Variants in LARGE1 observed in about 807,000 individuals in gnomAD.
The protein encoded by LARGE1 is xylosyl- and glucuronyltransferase LARGE1.
A neutral mutation model predicts 87.6 loss-of-function variants in LARGE1; 43 were observed. The ratio of observed to expected loss-of-function variants is 0.49; its 90% CI spans 0.38 to 0.63. The LOEUF (loss-of-function observed/expected upper bound fraction) is 0.63, where lower values mean the gene tolerates loss of function less well. Among genes scored for constraint, LARGE1 ranks in the 30% least tolerant of loss-of-function variants. The pLI, the probability that LARGE1 is intolerant of heterozygous loss-of-function variation, is 0.00. For missense variants in LARGE1, 802 were observed against 1,000.2 expected (o/e 0.80, Z 2.67); for synonymous variants, 434 against 394.6 (o/e 1.10, Z -1.18).
At chr22:33,129,817 A>G in the LARGE1 span, among the ~76,000 whole-genome samples, 1 of 152,176 alleles carries the variant, frequency 6.6e-6, no homozygotes, top group Non-Finnish European at 1.5e-5. Flanking sequence ...ACTCGCTATC[A>G]CGAGAACAGC....
intron 1 of LARGE1, among the ~76,000 whole-genome samples, chr22:33,877,646 G>GGT (rs2064508646): frequency 2.0e-5 from 3 of 152,110 alleles, no homozygotes; most frequent in Non-Finnish European, 4.4e-5. Flanking sequence ...ATACAGGCTG[G>GGT]GCACGGTGGC....
intron 10 of LARGE1, among the ~76,000 whole-genome samples, chr22:33,316,761 A>C (rs888794020): frequency 2.0e-5 from 3 of 152,144 alleles, no homozygotes; most frequent in Non-Finnish European, 4.4e-5. Context: ...CAAAGAAAAA[A>C]ACAAAAAAAA....
chr22:33,706,179 G>A (rs956630591), intron 2 of LARGE1, among the ~76,000 whole-genome samples: 1 of 152,186 alleles, frequency 6.6e-6, no homozygotes, highest in Non-Finnish European at 1.5e-5. Flanking sequence ...GATCAGTGCT[G>A]AGTTTATTTC....
intron 12 of LARGE1, among the ~76,000 whole-genome samples, chr22:33,298,624 A>G (rs1304266422): frequency 6.6e-6 from 1 of 151,876 alleles, no homozygotes; most frequent in Non-Finnish European, 1.5e-5. Flanking sequence ...GGAGTTTGAG[A>G]CTAGCCTGGA....
At chr22:33,100,349 C>CAAAAAAAAA in the LARGE1 span, among the ~76,000 whole-genome samples, 3 of 65,318 alleles carry the variant, frequency 4.6e-5, no homozygotes, top group African/African-American at 1.4e-4. Flanking sequence ...GACTCCATCT[C>CAAAAAAAAA]AAAAAAAAAA....
At chr22:33,086,100 T>G in the LARGE1 span, among the ~76,000 whole-genome samples, 2 of 152,120 alleles carry the variant, frequency 1.3e-5, no homozygotes, top group African/African-American at 4.8e-5. Flanking sequence ...TTCGGAAAAA[T>G]ATGCTTCAGA....
chr22:33,846,643 T>C (rs1001981532), intron 1 of LARGE1, among the ~76,000 whole-genome samples: 21 of 152,196 alleles, frequency 1.4e-4, no homozygotes, highest in Non-Finnish European at 2.8e-4. Context: ...TGAATTCTTT[T>C]TCTCAGCAAG....
intron 2 of LARGE1, among the ~76,000 whole-genome samples, chr22:33,669,900 G>A (rs2081361803): frequency 6.6e-6 from 1 of 152,192 alleles, no homozygotes; most frequent in Non-Finnish European, 1.5e-5. Flanking sequence ...AAATGCAAAA[G>A]GCTCACATTG....
chr22:33,495,814 G>A (rs373798044), intron 6 of LARGE1, among the ~76,000 whole-genome samples: 31 of 152,122 alleles, frequency 2.0e-4, no homozygotes, highest in African/African-American at 7.0e-4. Context: ...TCATGATCAC[G>A]GTAGACTCTA....
At position 33,215,843 on chromosome 22, in the gene LARGE1, C is replaced by A. The variant is rs538459954; in HGVS notation, c.1731-49011G>T. Among the ~76,000 whole-genome samples, 3 of 152,274 alleles carry A rather than the reference C, an allele frequency of 2.0e-5. No individual in the cohort carries two copies. The South Asian group carries it at 6.2e-4, about 32-fold the overall frequency. The stretch of plus-strand genomic sequence containing the variant: ...TGGTGGCGCATGCCTGTAATCCCAG[C>A]TACTCAGGAGGCTGAGGCAGGAGAA... On this transcript the variant is annotated intron_variant, in intron 11 of 11. Coordinates refer to the LARGE1 transcript ENST00000608642.
Position 33,418,101 on chromosome 22 carries a change from C to A in LARGE1, c.892+14060G>T, listed in dbSNP as rs2066565698. ...TAGCTGGGACTACAGGCATGTGCCA[C>A]CATGCCTGGCTAATTGTTTGTATTT... On this transcript the variant is annotated intron_variant, in intron 7 of 14. Transcript: ENST00000397394. Among the ~76,000 whole-genome samples the A allele has an allele frequency of 1.3e-5, 2 of 152,166 alleles. 1 individual carries two copies. The highest frequency in any genetic ancestry group is 4.8e-5 in the African/African-American group (2 of 41,448).
At chr22:33,792,483 G>C (rs1467343055) in intron 1 of LARGE1, among the ~76,000 whole-genome samples, 2 of 152,064 alleles carry the variant, frequency 1.3e-5, no homozygotes. Context: ...TTTATAAACT[G>C]CACAGTCTGG....
intron 1 of LARGE1, among the ~76,000 whole-genome samples, chr22:33,803,894 A>C (rs1471425684): frequency 6.6e-6 from 1 of 152,242 alleles, no homozygotes; most frequent in African/African-American, 2.4e-5. Context: ...CAGTTTAAGC[A>C]CAGTGACCCA....
At chr22:33,601,841 A>G (rs1401878752) in intron 5 of LARGE1, among the ~76,000 whole-genome samples, 6 of 152,058 alleles carry the variant, frequency 3.9e-5, no homozygotes, top group Admixed American at 2.6e-4. Context: ...TTTCGGATGT[A>G]TATATATATA....
At chr22:33,232,859 T>C (rs1243717975) in intron 11 of LARGE1, among the ~76,000 whole-genome samples, 1 of 152,156 alleles carries the variant, frequency 6.6e-6, no homozygotes. Context: ...GAGTTAGTGC[T>C]TCAAAATGAT....
chr22:33,221,415 TG>T (rs1925453344), intron 11 of LARGE1, among the ~76,000 whole-genome samples: 1 of 152,242 alleles, frequency 6.6e-6, no homozygotes, highest in Non-Finnish European at 1.5e-5. Context: ...TCAAAAATTT[TG>T]CTGCTTCTTA....
downstream of LARGE1, among the ~76,000 whole-genome samples, chr22:33,160,803 G>A (rs1011529780): frequency 6.6e-6 from 1 of 152,242 alleles, no homozygotes. Flanking sequence ...TGGCTGACAA[G>A]GAGTGTAGCA....
chr22:33,639,940 G>T (rs2149131903), intron 3 of LARGE1, among the ~76,000 whole-genome samples: 1 of 152,296 alleles, frequency 6.6e-6, no homozygotes, highest in Middle Eastern at 3.4e-3. Flanking sequence ...GACTGATGAG[G>T]GCCCGTTGTT....
intron 6 of LARGE1, among the ~76,000 whole-genome samples, chr22:33,469,425 G>C (rs1327193191): frequency 1.3e-5 from 2 of 151,492 alleles, no homozygotes; most frequent in Admixed American, 1.3e-4. Context: ...ACACACTAAC[G>C]CAGGAACACA....
Sources: allele counts gnomAD v4.1 joint callset (sites outside exome capture counted in the v4.1 genomes callset), GRCh38; gene constraint gnomAD v4.1.1; transcripts MANE v1.5; gene names NCBI Gene and HGNC (gene_info 2026-07-23, HGNC 2026-07-21).